ZNF276: variants seen among roughly 807,000 people sequenced by gnomAD.
ZNF276 encodes the protein zinc finger protein 276.
Under a neutral mutation model 63.9 loss-of-function variants are expected in ZNF276, and 59 were observed. The observed-to-expected ratio is 0.92, with a 90% CI of 0.75 to 1.15. The LOEUF is 1.15. Ranked by LOEUF, ZNF276 falls within the 50% of genes most tolerant of loss-of-function variation. ZNF276 has a pLI of 0.00. For synonymous variants in ZNF276, 496 were observed against 348.4 expected (o/e 1.42, Z -4.72); for missense variants, 1,084 against 843.8 (o/e 1.28, Z -3.53).
In ZNF276 at chr16:89,724,058, G is replaced by C. The variant is rs536697820; in HGVS notation, c.1006+349G>C. 9.8e-5 allele frequency among the ~76,000 whole-genome samples: 15 copies of C among 152,380 alleles called. No individual in the cohort carries two copies. In the South Asian group the frequency reaches 2.1e-3, roughly 21 times the overall value. ...CCTTGTCTGTGGATGTGGGAGAAAA[G>C]AATGGCCGTTGCCTCTGCGGCTGCT... On this transcript the variant is annotated intron_variant, in intron 4 of 10. Transcript: ENST00000443381.
At chr16:89,735,343 C>T (rs1007245486) in intron 9 of ZNF276, among the ~76,000 whole-genome samples, 3 of 152,034 alleles carry the variant, frequency 2.0e-5, no homozygotes, top group Admixed American at 2.0e-4. Flanking sequence ...CTTACACACA[C>T]AGTTTTCCTT....
At chr16:89,736,898 C>G (rs1165577153) in intron 9 of ZNF276, among the ~76,000 whole-genome samples, 1 of 150,786 alleles carries the variant, frequency 6.6e-6, no homozygotes, top group Admixed American at 6.6e-5. Flanking sequence ...GAGCAAGACT[C>G]AAGTCTCAAA....
At chr16:89,733,651 GC>G (rs1016274378) in intron 8 of ZNF276, 94 bp downstream of exon 8, 1 of 1,414,986 alleles carries the variant, frequency 7.1e-7, no homozygotes, top group African/African-American at 1.4e-5. Flanking sequence ...TCAGACTTGC[GC>G]CCAAGGACAC....
Position 89,721,616 on chromosome 16 carries a change from G to T in ZNF276, c.-25G>T. ...ACCTCGGGCCGGGCAGCACCCGCGG[G>T]ATTCTGCTGGCGTCCTCCGCTGCCA... On this transcript the variant is annotated 5_prime_UTR_variant, in exon 1 of 11. Transcript: ENST00000443381. 4 of 1,475,268 alleles carry T rather than the reference G, an allele frequency of 2.7e-6. No individual in the cohort carries two copies. In the South Asian group the frequency reaches 5.1e-5, roughly 19 times the overall value. The allele number at this position is 1,475,268 out of a possible 1,614,324, so 91.4% of individuals were successfully genotyped here.
At chr16:89,724,048 T>A (rs551054839) in intron 4 of ZNF276, among the ~76,000 whole-genome samples, 94 of 152,278 alleles carry the variant, frequency 6.2e-4, no homozygotes, top group African/African-American at 2.1e-3. Context: ...TCTGTGGATG[T>A]GGGAGAAAAG....
Position 89,722,620 on chromosome 16 carries a change from C to T in ZNF276, c.295C>T (p.Pro99Ser). 1.9e-6 allele frequency: 3 copies of T among 1,612,046 alleles called. No individual in the cohort carries two copies. Among genetic ancestry groups the T allele is most frequent in the Middle Eastern group, 1.6e-4 (1 of 6,062 alleles). Residue 99 changes from proline to serine, a missense_variant, in exon 2 of 11, where the codon CCT becomes TCT. By Grantham distance (74) the Pro-to-Ser change is moderately conservative. Coordinates refer to ENST00000443381, the MANE Select transcript of ZNF276 (RefSeq NM_001113525.2). ...RSLRSISERA[P>S]GASMERPSAE... ...CCTGCGCAGCATCTCCGAGAGGGCGCCTGGAGCGAGCATGGAGAGGCCATC... is the reference window on the plus strand; with the variant it reads ...CCTGCGCAGCATCTCCGAGAGGGCGTCTGGAGCGAGCATGGAGAGGCCATC...
At chr16:89,720,633 G>A (rs1171005858), upstream of ZNF276, 3 of 1,223,906 alleles carry the variant, frequency 2.5e-6, no homozygotes, top group Non-Finnish European at 2.0e-6. Flanking sequence ...CGGGAACCGC[G>A]GCCCGGGATC....
intron 6 of ZNF276, chr16:89,732,934 A>C: frequency 3.2e-6 from 1 of 315,382 alleles, no homozygotes; most frequent in Non-Finnish European, 5.8e-6. Flanking sequence ...ACCCTGCTGT[A>C]CCCTGCGCCC....
intron 4 of ZNF276, among the ~76,000 whole-genome samples, chr16:89,724,865 T>G (rs1489529907): frequency 6.6e-6 from 1 of 152,200 alleles, no homozygotes; most frequent in African/African-American, 2.4e-5. Flanking sequence ...TGTCTCTCTC[T>G]ATCTACCTAC....
In ZNF276 at chr16:89,722,768, G is replaced by A. The variant is rs1306711000; in HGVS notation, c.443G>A (p.Ser148Asn). 1.9e-6 allele frequency: 3 copies of A among 1,610,260 alleles called. No homozygotes were observed. Among genetic ancestry groups the A allele is most frequent in the Non-Finnish European group, 2.5e-6 (3 of 1,180,016 alleles). Residue 148 changes from serine (S) to asparagine (N), a missense_variant, in exon 2 of 11, where the codon AGC becomes AAC. Transcript: ENST00000443381. The stretch of plus-strand genomic sequence containing the variant: ...CACGCCCAGTTCTACCAGTGCCACA[G>A]CCTTCTCAAGTCCTTCCTGCAGAGG... The part of the protein sequence containing the change: ...SCHAQFYQCH[S>N]LLKSFLQRVN...
intron 5 of ZNF276, among the ~76,000 whole-genome samples, chr16:89,728,285 T>G (rs562861736): frequency 2.7e-4 from 40 of 149,806 alleles, no homozygotes; most frequent in African/African-American, 9.6e-4. Flanking sequence ...AGTGCAGTGG[T>G]GTGACCTCAG....
Position 89,739,829 on chromosome 16 carries a change from AT to A in ZNF276, c.*1584del. ...GGGTTGACCAGTGAGCCAGTAAATT[AT>A]CTTATTGCTTTAAACAAGTTTGTGC... On this transcript the variant is annotated 3_prime_UTR_variant, in exon 11 of 11. Coordinates refer to ENST00000443381, the MANE Select transcript of ZNF276 (RefSeq NM_001113525.2). 1 of 1,480,494 alleles carries A rather than the reference AT, an allele frequency of 6.8e-7. No individual in the cohort carries two copies. 91.7% of individuals were successfully genotyped at this position (1,480,494 alleles called of 1,614,324 possible).
chr16:89,726,008 G>T (rs2061459054), intron 4 of ZNF276, among the ~76,000 whole-genome samples: 2 of 152,028 alleles, frequency 1.3e-5, no homozygotes, highest in Admixed American at 6.6e-5. Context: ...ACCAGGCCTG[G>T]CCGAGAGAAC....
At chr16:89,733,841 C>G in intron 8 of ZNF276, 80 bp from the exon 9 acceptor site, 5 of 1,366,442 alleles carry the variant, frequency 3.7e-6, no homozygotes, top group South Asian at 1.2e-5. Context: ...TTCCAGGGGC[C>G]TCAGCTGTCA....
At chr16:89,733,660 C>A in intron 8 of ZNF276, 103 bp downstream of exon 8, 1 of 1,359,792 alleles carries the variant, frequency 7.4e-7, no homozygotes, top group Non-Finnish European at 1.0e-6. Context: ...CGCCCAAGGA[C>A]ACTTTGACCT....
At position 89,728,972 on chromosome 16, in the gene ZNF276, C is replaced by T. The variant is rs145464437; in HGVS notation, c.1086-263C>T. On this transcript the variant is annotated intron_variant, in intron 5 of 10. Transcript: ENST00000443381. The stretch of plus-strand genomic sequence containing the variant: ...TTGAGCGCCTCCACCCCTTCTGGGC[C>T]GCTGTGGAAAGGGCTGTTTCCAAGT... Among the ~76,000 whole-genome samples, 1,110 of 152,340 alleles carry T rather than the reference C, an allele frequency of 7.3e-3. 17 individuals carry two copies. The highest frequency in any genetic ancestry group is 0.019 in the Admixed American group (292 of 15,300).
chr16:89,734,392 C>G (rs1351661021), intron 9 of ZNF276, among the ~76,000 whole-genome samples: 1 of 152,154 alleles, frequency 6.6e-6, no homozygotes, highest in Non-Finnish European at 1.5e-5. Context: ...GTGGCACCAT[C>G]TTGGCTCACC....
intron 1 of ZNF276, 68 bp downstream of exon 1, chr16:89,721,913 T>G (rs895286565): frequency 1.4e-5 from 15 of 1,079,732 alleles, no homozygotes; most frequent in African/African-American, 3.3e-5. Context: ...GGAGCCGCAC[T>G]GACGCCCGGA....
At chr16:89,722,267 G>T (rs573962423) in intron 1 of ZNF276, among the ~76,000 whole-genome samples, 20 of 152,342 alleles carry the variant, frequency 1.3e-4, no homozygotes, top group Admixed American at 3.9e-4. Context: ...CTGGGAGGAG[G>T]GTGCAGTTCC....
Sources: allele counts gnomAD v4.1 joint callset (sites outside exome capture counted in the v4.1 genomes callset), GRCh38; gene constraint gnomAD v4.1.1; transcripts MANE v1.5; gene names NCBI Gene and HGNC (gene_info 2026-07-23, HGNC 2026-07-21).